The following SCRIB variants were observed in gnomAD, a reference collection of about 807,000 sequenced individuals.
SCRIB encodes protein scribble homolog.
SCRIB carries 72 observed loss-of-function variants against 170.0 expected under a neutral mutation model. The ratio of observed to expected loss-of-function variants is 0.42; its 90% CI spans 0.35 to 0.52. SCRIB has a LOEUF of 0.52. Ranked by LOEUF, SCRIB falls within the 20% of genes least tolerant of loss-of-function variation. SCRIB has a pLI of 0.02. For synonymous variants in SCRIB, 1,298 were observed against 1,044.3 expected (o/e 1.24, Z -4.68); for missense variants, 2,475 against 2,338.5 (o/e 1.06, Z -1.20).
chr8:143,813,080 T>G lies in SCRIB; in HGVS notation c.592A>C (p.Asn198His). 1.3e-6 allele frequency: 2 copies of G among 1,583,454 alleles called. No homozygotes were observed. Among genetic ancestry groups the G allele is most frequent in the South Asian group, 2.3e-5 (2 of 88,314 alleles). ...VLPDTLGALP[N>H]LRELWLDRNQ... ...CGGTCAAGCCACAGCTCCCGAAGATTGGGCAGAGCCCCCAGAGTGTCTGGC... is the reference window on the plus strand; with the variant it reads ...CGGTCAAGCCACAGCTCCCGAAGATGGGGCAGAGCCCCCAGAGTGTCTGGC... Residue 198 changes from asparagine to histidine, a missense_variant, in exon 7 of 37, where the codon AAT (asparagine) becomes CAT (histidine). Asn to His is a moderately conservative substitution (Grantham distance 68, BLOSUM62 1). Transcript: ENST00000356994.
chr8:143,813,174 A>G (rs2130148056), intron 6 of SCRIB, 70 bp from the exon 7 acceptor site: 4 of 1,586,828 alleles, frequency 2.5e-6, no homozygotes, highest in Non-Finnish European at 2.6e-6. Flanking sequence ...TCAAGAGACT[A>G]TACGCCCCCA....
chr8:143,803,235 C>T (rs1247943191), intron 24 of SCRIB, 148 bp downstream of exon 24: 1 of 769,404 alleles, frequency 1.3e-6, no homozygotes. Flanking sequence ...CACAGCTCCC[C>T]AGCCCGCACG....
intron 14 of SCRIB, 52 bp from the exon 15 acceptor site, chr8:143,809,077 C>T (rs757174917): frequency 1.9e-6 from 3 of 1,558,546 alleles, no homozygotes; most frequent in Non-Finnish European, 2.6e-6. Flanking sequence ...TGTGCTTCCA[C>T]AGGAAGACCC....
chr8:143,791,958 G>T, intron 33 of SCRIB, 33 bp downstream of exon 33: 1 of 1,492,756 alleles, frequency 6.7e-7, no homozygotes, highest in South Asian at 1.4e-5. Context: ...CATGCGGCAG[G>T]CTGACCCCCC....
intron 18 of SCRIB, 129 bp from the exon 19 acceptor site, chr8:143,805,564 G>T: frequency 1.1e-6 from 1 of 948,564 alleles, no homozygotes; most frequent in Non-Finnish European, 1.5e-6. Flanking sequence ...GGCCCCAGGC[G>T]CTGACATCAC....
chr8:143,807,517 C>T (rs1223146721), intron 16 of SCRIB, 35 bp downstream of exon 16: 12 of 1,565,576 alleles, frequency 7.7e-6, no homozygotes, highest in African/African-American at 4.1e-5. Context: ...AGGCCAGCAG[C>T]GGCCCGGCCA....
At position 143,791,909 on chromosome 8, in the gene SCRIB, G is replaced by A. The variant is rs111739279; in HGVS notation, c.4662C>T (p.Leu1554=). The A allele has an allele frequency of 6.3e-3, 9,479 of 1,513,316 alleles. 511 individuals are homozygous for A. In the African/African-American group the frequency reaches 0.11, roughly 18 times the overall value. 93.7% of individuals were successfully genotyped at this position (1,513,316 alleles called of 1,614,324 possible). A position where few individuals can be genotyped will look rare whatever the true frequency, so the allele number is the denominator to read the frequency against. The change falls in exon 34 of 37, where the codon CTC becomes CTT. Residue 1554 remains leucine (L), a synonymous_variant. Coordinates refer to ENST00000356994, the MANE Select transcript of SCRIB (RefSeq NM_182706.5). ...PTPSPTPVED[L]GPQTSTSPGR... ...CCGGGGAGGTGCTGGTCTGGGGGCC[G>A]AGGTCTGGGGGGACAAGAAGCGGGC...
Position 143,815,114 on chromosome 8 carries a change from C to T in SCRIB, c.159+100G>A, listed in dbSNP as rs1314348250. On this transcript the variant is annotated intron_variant, in intron 1 of 36. Transcript: ENST00000356994. ...CCTGGCCAGTGCAAACCAGCAGGGC[C>T]GGCTGGAGGCTGCGGTGACTCGCCC... The T allele has an allele frequency of 3.0e-6, 4 of 1,336,240 alleles. No individual in the cohort carries two copies. The East Asian group carries it at 1.2e-4, about 41-fold the overall frequency. The allele number at this position is 1,336,240 out of a possible 1,614,324, so 82.8% of individuals were successfully genotyped here. A position where few individuals can be genotyped will look rare whatever the true frequency, so the allele number is the denominator to read the frequency against.
At chr8:143,811,432 C>T in intron 9 of SCRIB, 87 bp from the exon 10 acceptor site, 1 of 1,226,366 alleles carries the variant, frequency 8.2e-7, no homozygotes, top group South Asian at 1.3e-5. Context: ...GGCACAGACA[C>T]CCCAGGCCAG....
rs1554636220 is a variant in SCRIB, at chr8:143,805,243, G to C, written c.2539C>G (p.Pro847Ala). The C allele has an allele frequency of 7.2e-6, 11 of 1,536,266 alleles. No homozygotes were observed. Among genetic ancestry groups the C allele is most frequent in the Middle Eastern group, 1.8e-4 (1 of 5,698 alleles). ...RERRGGGLRLPLLPPESPGPL... is the reference protein window; with the variant it reads ...RERRGGGLRLALLPPESPGPL... ...CCGGGGCTCTCAGGCGGGAGCAGGG[G>C]CAGGCGCAGCCCCCCTCCCCGCCGC... The change falls in exon 19 of 37, where the codon CCC (proline) becomes GCC (alanine). Residue 847 changes from proline (P) to alanine (A), a missense_variant. Physicochemically the swap from Pro to Ala is conservative, Grantham distance 27 (BLOSUM62 -1). Transcript: ENST00000356994.
At chr8:143,803,304 G>T in intron 24 of SCRIB, 79 bp downstream of exon 24, 1 of 1,366,942 alleles carries the variant, frequency 7.3e-7, no homozygotes, top group Non-Finnish European at 9.7e-7. Context: ...CCCGTCGCCT[G>T]CCCCGAGAGG....
rs1814778016 is a variant in SCRIB, at chr8:143,793,062, C to G, written c.3931G>C (p.Asp1311His). 5.4e-6 allele frequency: 8 copies of G among 1,488,766 alleles called. No individual in the cohort carries two copies. The South Asian group carries it at 8.0e-5, about 15-fold the overall frequency. The allele number at this position is 1,488,766 out of a possible 1,614,324, so 92.2% of individuals were successfully genotyped here. A position where few individuals can be genotyped will look rare whatever the true frequency, so the allele number is the denominator to read the frequency against. The part of the protein sequence containing the change: ...GQQPPSPPSP[D>H]ELPANVKQAY... ...TGCTTCACATTGGCGGGCAGCTCAT[C>G]CGGAGAAGGCGGGGAGGGCGGCTGG... Residue 1311 changes from aspartate to histidine, a missense_variant, in exon 29 of 37, where the codon GAT (aspartate) becomes CAT (histidine). By Grantham distance (81) the Asp-to-His change is moderately conservative. This residue lies in a region of SCRIB where 1,966 missense variants were observed against 1,742.9 expected (regional missense o/e 1.13). Transcript: ENST00000356994.
chr8:143,792,898 G>C, intron 29 of SCRIB, 31 bp from the exon 30 acceptor site: 1 of 1,500,888 alleles, frequency 6.7e-7, no homozygotes, highest in Non-Finnish European at 8.8e-7. Flanking sequence ...GGTTTGGCTG[G>C]CATTCCTCCG....
Position 143,804,441 on chromosome 8 carries a change from G to A in SCRIB, c.3009+127C>T, listed in dbSNP as rs547932133. 74 of 1,019,472 alleles carry A rather than the reference G, an allele frequency of 7.3e-5. No homozygotes were observed. The South Asian group carries it at 1.3e-3, about 18-fold the overall frequency. The allele number at this position is 1,019,472 out of a possible 1,614,324, so 63.2% of individuals were successfully genotyped here. ...GAGCCCCAGCCTCAAGGAGCTGCAG[G>A]GGAAAGGGCGAGCAGGCCGGCTTCC... On this transcript the variant is annotated intron_variant, in intron 21 of 36. Coordinates refer to ENST00000356994, the MANE Select transcript of SCRIB (RefSeq NM_182706.5).
rs1554636627 is a variant in SCRIB at position 143,806,493 on chromosome 8, C to T, written c.2269-9G>A. The T allele has an allele frequency of 2.5e-6, 4 of 1,584,114 alleles. 1 individual carries two copies. In the East Asian group the frequency reaches 6.9e-5, roughly 27 times the overall value. The stretch of plus-strand genomic sequence containing the variant: ...CGAGAGATGAATATGCCCTAGGGCA[C>T]AGACACGAGCTTGGCAGGGGCCAGG... On this transcript the variant is annotated splice_polypyrimidine_tract_variant and intron_variant, in intron 17 of 36. Transcript: ENST00000356994.
rs199892856 is a variant in SCRIB at position 143,792,577 on chromosome 8, G to A, written c.4236C>T (p.Ala1412=). ...QMLREAAEAG[A]EARLALDGET... ...CCCCGTCCAGGGCGAGCCTCGCTTC[G>A]GCCCCAGCCTCTGCCGCCTCCCGCA... Residue 1412 remains alanine, a synonymous_variant, in exon 31 of 37, where the codon GCC becomes GCT. Transcript: ENST00000356994. 1.0e-5 allele frequency: 16 copies of A among 1,580,222 alleles called. No homozygotes were observed. Among genetic ancestry groups the A allele is most frequent in the East Asian group, 6.8e-5 (3 of 43,926 alleles).
intron 23 of SCRIB, 22 bp from the exon 24 acceptor site, chr8:143,803,593 G>A: frequency 7.1e-7 from 1 of 1,417,930 alleles, no homozygotes; most frequent in Non-Finnish European, 9.6e-7. Flanking sequence ...CGTGGTATGG[G>A]AGAGACCTGT....
chr8:143,796,580 C>T (rs11782788), intron 24 of SCRIB, among the ~76,000 whole-genome samples: 3,888 of 152,244 alleles, frequency 0.026, 96 homozygotes, highest in Admixed American at 0.069. Context: ...CTGTTTACAA[C>T]GATGATACAG....
chr8:143,791,803 G>T, intron 34 of SCRIB, 63 bp from the exon 35 acceptor site: 1 of 1,478,296 alleles, frequency 6.8e-7, no homozygotes, highest in Non-Finnish European at 9.3e-7. Context: ...TGAGGGCCAC[G>T]GGGGTGGGGG....
Sources: allele counts gnomAD v4.1 joint callset (sites outside exome capture counted in the v4.1 genomes callset), GRCh38; gene constraint gnomAD v4.1.1; regional missense constraint gnomAD v4.1.1; transcripts MANE v1.5; gene names NCBI Gene and HGNC (gene_info 2026-07-23, HGNC 2026-07-21).